The following TENM2 variants were observed in gnomAD, a reference collection of about 807,000 sequenced individuals.
The protein encoded by TENM2 is teneurin-2.
A neutral mutation model predicts 245.2 loss-of-function variants in TENM2; 52 were observed. The ratio of observed to expected loss-of-function variants is 0.21; its 90% CI spans 0.17 to 0.27. The LOEUF (loss-of-function observed/expected upper bound fraction) is 0.27, where lower values mean the gene tolerates loss of function less well. Among genes scored for constraint, TENM2 ranks in the 10% least tolerant of loss-of-function variants. The pLI, the probability that TENM2 is intolerant of heterozygous loss-of-function variation, is 1.00. For synonymous variants in TENM2, 1,363 were observed against 1,438.9 expected, an observed-to-expected ratio of 0.95 and a Z score of 1.19; for missense variants, 3,046 against 3,666.8, an observed-to-expected ratio of 0.83 and a Z score of 4.37.
chr5:167,781,697 T>A (rs1257076833), intron 2 of TENM2, among the ~76,000 whole-genome samples: 2 of 152,192 alleles, frequency 1.3e-5, no homozygotes, highest in African/African-American at 4.8e-5. Flanking sequence ...CAGAAAAGAT[T>A]AGGAGTTTCC....
At chr5:168,249,305 C>G (rs898721367) in intron 27 of TENM2, among the ~76,000 whole-genome samples, 7 of 152,044 alleles carry the variant, frequency 4.6e-5, no homozygotes, top group African/African-American at 1.7e-4. Context: ...GAGACATATT[C>G]AAATAACCAA....
At chr5:167,196,626 A>C in the TENM2 span, among the ~76,000 whole-genome samples, 2 of 151,636 alleles carry the variant, frequency 1.3e-5, no homozygotes, top group Non-Finnish European at 1.5e-5. Context: ...ATCAATATAC[A>C]GTCATCCCTC....
chr5:167,871,063 C>T (rs1197073931), intron 2 of TENM2, among the ~76,000 whole-genome samples: 8 of 152,024 alleles, frequency 5.3e-5, no homozygotes. Context: ...AGATTGTAGT[C>T]CTTTGGTCTT....
intron 2 of TENM2, among the ~76,000 whole-genome samples, chr5:167,807,093 G>A (rs1238799359): frequency 1.8e-5 from 2 of 113,198 alleles, no homozygotes; most frequent in African/African-American, 7.0e-5. Context: ...CATATTATTC[G>A]ACTGCACAGT....
chr5:167,491,280 A>G (rs570200154), intron 2 of TENM2, among the ~76,000 whole-genome samples: 1 of 152,178 alleles, frequency 6.6e-6, no homozygotes, highest in African/African-American at 2.4e-5. Flanking sequence ...GTATTCCACA[A>G]CTGATCTGAG....
chr5:167,332,145 C>T (rs2127792749), intron 1 of TENM2, among the ~76,000 whole-genome samples: 1 of 152,222 alleles, frequency 6.6e-6, no homozygotes, highest in African/African-American at 2.4e-5. Context: ...ATAAGTAGAA[C>T]CATAATTACA....
chr5:167,356,217 A>AAAAAAAGAAAAAAAAAGAAAAATT (rs1759321624), intron 1 of TENM2, among the ~76,000 whole-genome samples: 1 of 129,104 alleles, frequency 7.7e-6, no homozygotes, highest in African/African-American at 3.2e-5. Flanking sequence ...AAAAAAAAAA[A>AAAAAAAGAAAAAAAAAGAAAAATT]AAAATTAAAA....
At chr5:167,398,787 G>A (rs985388227) in intron 2 of TENM2, among the ~76,000 whole-genome samples, 2 of 152,124 alleles carry the variant, frequency 1.3e-5, no homozygotes, top group Non-Finnish European at 2.9e-5. Flanking sequence ...TATTAAATGA[G>A]ATGGGCTAGT....
intron 2 of TENM2, among the ~76,000 whole-genome samples, chr5:167,452,508 T>C (rs550249021): frequency 6.6e-6 from 1 of 152,244 alleles, no homozygotes; most frequent in Admixed American, 6.5e-5. Context: ...AAGGATGCCA[T>C]AGTTTTCCAT....
chr5:167,946,898 G>A (rs528440359), intron 3 of TENM2, among the ~76,000 whole-genome samples: 1 of 152,272 alleles, frequency 6.6e-6, no homozygotes, highest in African/African-American at 2.4e-5. Flanking sequence ...TTAACTCATG[G>A]CAGCCATGGA....
chr5:167,762,655 C>G (rs998521616), intron 2 of TENM2, among the ~76,000 whole-genome samples: 1 of 152,216 alleles, frequency 6.6e-6, no homozygotes, highest in Non-Finnish European at 1.5e-5. Context: ...TGTGCTTAGG[C>G]AAAGTCTTTT....
chr5:167,724,560 G>A (rs934426902), intron 2 of TENM2, among the ~76,000 whole-genome samples: 2 of 152,130 alleles, frequency 1.3e-5, no homozygotes, highest in African/African-American at 4.8e-5. Flanking sequence ...GGAAGGAGAT[G>A]ACGAATTCAG....
chr5:168,139,684 TC>T (rs1755362002), intron 12 of TENM2, among the ~76,000 whole-genome samples: 1 of 152,072 alleles, frequency 6.6e-6, no homozygotes, highest in Admixed American at 6.6e-5. Context: ...AAACTCAAAT[TC>T]CCATACATGG....
intron 2 of TENM2, among the ~76,000 whole-genome samples, chr5:167,611,047 A>T (rs1425143206): frequency 6.6e-6 from 1 of 152,226 alleles, no homozygotes; most frequent in African/African-American, 2.4e-5. Context: ...AGAAATGGTC[A>T]TCTACTTTGG....
the TENM2 span, among the ~76,000 whole-genome samples, chr5:167,155,449 A>G: frequency 2.6e-5 from 4 of 152,338 alleles, no homozygotes; most frequent in Non-Finnish European, 5.9e-5. Flanking sequence ...AGATAATTCA[A>G]GAAGGGGAGG....
At chr5:167,772,871 A>AGTCTTCCT (rs1330066102) in intron 2 of TENM2, among the ~76,000 whole-genome samples, 1 of 152,230 alleles carries the variant, frequency 6.6e-6, no homozygotes, top group African/African-American at 2.4e-5. Flanking sequence ...GACTTCCTAA[A>AGTCTTCCT]TATGATTTAA....
At chr5:167,516,634 G>A (rs896492907) in intron 2 of TENM2, among the ~76,000 whole-genome samples, 8 of 152,144 alleles carry the variant, frequency 5.3e-5, no homozygotes, top group Admixed American at 3.9e-4. Flanking sequence ...AAATGCAAAA[G>A]CACCTCAATA....
chr5:168,124,669 T>A (rs1795712927), intron 10 of TENM2, among the ~76,000 whole-genome samples, 181 bp from the exon 13 acceptor site: 1 of 152,252 alleles, frequency 6.6e-6, no homozygotes, highest in Non-Finnish European at 1.5e-5. Context: ...AGAAGGCTTT[T>A]ACTTTTTATG....
At chr5:167,858,317 A>C (rs767313556) in intron 2 of TENM2, among the ~76,000 whole-genome samples, 4 of 152,248 alleles carry the variant, frequency 2.6e-5, no homozygotes, top group African/African-American at 9.6e-5. Flanking sequence ...GAAGCTGGGC[A>C]TTTTTGCATG....
Sources: gnomAD v4.1 joint callset for allele counts (sites outside exome capture counted in the v4.1 genomes callset) on GRCh38, gnomAD v4.1.1 for gene constraint, MANE v1.5 for transcripts, NCBI Gene and HGNC (gene_info 2026-07-23, HGNC 2026-07-21) for gene names.